CNTN1: variants seen among roughly 807,000 people sequenced by gnomAD.
CNTN1 encodes contactin-1.
Under a neutral mutation model 126.4 loss-of-function variants are expected in CNTN1, and 38 were observed. The observed-to-expected ratio is 0.30, with a 90% confidence interval of 0.23 to 0.39. CNTN1 has a LOEUF of 0.39. CNTN1 is among the 10% of genes least tolerant of loss of function. The pLI, the probability that CNTN1 is intolerant of heterozygous loss-of-function variation, is 1.00. For missense variants in CNTN1, 1,009 were observed against 1,248.4 expected, an observed-to-expected ratio of 0.81 and a Z score of 2.89; for synonymous variants, 413 against 422.6, an observed-to-expected ratio of 0.98 and a Z score of 0.28.
chr12:41,062,121 T>G (rs147904025), intron 23 of CNTN1, among the ~76,000 whole-genome samples: 34 of 152,308 alleles, frequency 2.2e-4, no homozygotes, highest in African/African-American at 7.9e-4. Flanking sequence ...GGTCTCTTCT[T>G]TAGAAACTCT....
At chr12:40,865,255 T>C (rs1252649865) in intron 1 of CNTN1, among the ~76,000 whole-genome samples, 1 of 152,152 alleles carries the variant, frequency 6.6e-6, no homozygotes, top group Non-Finnish European at 1.5e-5. Flanking sequence ...AAGTCACTTA[T>C]TAGATATATG....
chr12:40,862,206 A>AACACAC (rs557164441), intron 1 of CNTN1, among the ~76,000 whole-genome samples: 9,880 of 94,148 alleles, frequency 0.1, 408 homozygotes, highest in Admixed American at 0.13. Context: ...CTTGTCTCTT[A>AACACAC]ATACACACAC....
chr12:40,848,795 A>G (rs184321), intron 1 of CNTN1, among the ~76,000 whole-genome samples: 36,206 of 146,460 alleles, frequency 0.25, 4,864 homozygotes, highest in South Asian at 0.37. Flanking sequence ...GTTTTATATT[A>G]TAGTTCAGAC....
Position 40,980,852 on chromosome 12 carries a change from G to A in CNTN1, c.1805-57G>A, listed in dbSNP as rs948773719. The A allele has an allele frequency of 6.8e-6, 10 of 1,480,830 alleles. No individual in the cohort carries two copies. The African/African-American group carries it at 1.1e-4, about 16-fold the overall frequency. 91.7% of individuals were successfully genotyped at this position (1,480,830 alleles called of 1,614,324 possible). A position where few individuals can be genotyped will look rare whatever the true frequency, so the allele number is the denominator to read the frequency against. ...TTAGAAGACATTTTTATATTCTAATGTGTGTTTGACTCACTAGATGGAATT... is the reference window on the plus strand; with the variant it reads ...TTAGAAGACATTTTTATATTCTAATATGTGTTTGACTCACTAGATGGAATT... On this transcript the variant is annotated intron_variant, in intron 15 of 23. Coordinates refer to ENST00000551295, the MANE Select transcript of CNTN1 (RefSeq NM_001843.4).
At chr12:40,797,599 C>T (rs1592097967) in intron 1 of CNTN1, among the ~76,000 whole-genome samples, 1 of 152,052 alleles carries the variant, frequency 6.6e-6, no homozygotes, top group Non-Finnish European at 1.5e-5. Flanking sequence ...AAACATCAAA[C>T]ATTTTTAAGC....
chr12:40,780,696 A>AC (rs1235023306), intron 1 of CNTN1, among the ~76,000 whole-genome samples: 3 of 150,512 alleles, frequency 2.0e-5, no homozygotes, highest in East Asian at 3.9e-4. Context: ...GAAAAAAAAA[A>AC]AAAAAAACAC....
Position 41,029,113 on chromosome 12 carries a change from C to A in CNTN1, c.2874C>A (p.His958Gln). 1.2e-6 allele frequency: 2 copies of A among 1,614,058 alleles called. No individual in the cohort carries two copies. The highest frequency in any genetic ancestry group is 1.1e-5 in the South Asian group (1 of 91,080). ...ATGATGGCAAGCTGTATTCAACTCA[C>A]AAACACTCCATAGAAGTCCCAATCC... ...GQHDGKLYST[H>Q]KHSIEVPIPR... Residue 958 changes from histidine to glutamine, a missense_variant, in exon 23 of 24, where the codon CAC becomes CAA. His to Gln is a conservative substitution (Grantham distance 24). Coordinates refer to ENST00000551295, the MANE Select transcript of CNTN1 (RefSeq NM_001843.4).
intron 23 of CNTN1, among the ~76,000 whole-genome samples, chr12:41,066,461 A>G (rs957488314): frequency 4.6e-5 from 7 of 152,316 alleles, no homozygotes; most frequent in African/African-American, 1.7e-4. Context: ...TTAACATTAT[A>G]GGTTGAGTAC....
chr12:41,004,163 AATATCTTCTCG>A (rs1948435221), intron 17 of CNTN1, among the ~76,000 whole-genome samples: 2 of 152,124 alleles, frequency 1.3e-5, no homozygotes. Context: ...ATTAATTTTA[AATATCTTCTCG>A]ATTTCTGCTT....
At chr12:40,909,797 G>A (rs570666639) in intron 2 of CNTN1, among the ~76,000 whole-genome samples, 28 of 151,610 alleles carry the variant, frequency 1.8e-4, no homozygotes, top group Non-Finnish European at 3.8e-4. Context: ...TAAAGTCATT[G>A]TGAAGTCTTA....
chr12:40,960,063 C>T (rs1566041529), intron 15 of CNTN1, among the ~76,000 whole-genome samples: 1 of 152,016 alleles, frequency 6.6e-6, no homozygotes, highest in Non-Finnish European at 1.5e-5. Flanking sequence ...ATTCATCCTT[C>T]AAGTCTTAAA....
intron 14 of CNTN1, among the ~76,000 whole-genome samples, chr12:40,957,970 AAACGTTCACTCC>A (rs1158722981): frequency 1.2e-4 from 18 of 152,094 alleles, no homozygotes; most frequent in Non-Finnish European, 8.8e-5. Context: ...TGGTGAAGCA[AAACGTTCACTCC>A]ATGTACAGTC....
chr12:40,759,510 G>A (rs1457470096), intron 1 of CNTN1, among the ~76,000 whole-genome samples: 1 of 146,976 alleles, frequency 6.8e-6, no homozygotes, highest in Non-Finnish European at 1.5e-5. Flanking sequence ...CTGTCACCTA[G>A]GCTGGAATGC....
chr12:41,018,498 GTATTC>G (rs1321372256), intron 19 of CNTN1, among the ~76,000 whole-genome samples: 1 of 151,782 alleles, frequency 6.6e-6, no homozygotes, highest in Non-Finnish European at 1.5e-5. Flanking sequence ...AAACACCATT[GTATTC>G]TATATATGTA....
intron 1 of CNTN1, among the ~76,000 whole-genome samples, chr12:40,791,017 T>A (rs11178389): frequency 0.38 from 57,052 of 151,836 alleles, 10,759 homozygotes; most frequent in African/African-American, 0.41. Flanking sequence ...ATGCCTGGGG[T>A]TAGGAAAGAA....
In CNTN1 at chr12:41,010,142, A is replaced by G. The variant is rs79384020; in HGVS notation, c.2114-4086A>G. Among the ~76,000 whole-genome samples the G allele has an allele frequency of 7.8e-3, 1,181 of 152,076 alleles. 11 individuals are homozygous for G. Among genetic ancestry groups the G allele is most frequent in the African/African-American group, 0.027 (1,131 of 41,458 alleles). On this transcript the variant is annotated intron_variant, in intron 17 of 23. Transcript: ENST00000551295. ...AGAGAGACTGGCTCTAGTGTTCACA[A>G]GGAGATCTACCTTCCTTCAATTTCC... is the stretch of plus-strand genomic sequence containing the variant.
At chr12:40,987,832 C>T (rs1300153214) in intron 16 of CNTN1, among the ~76,000 whole-genome samples, 1 of 152,042 alleles carries the variant, frequency 6.6e-6, no homozygotes, top group African/African-American at 2.4e-5. Flanking sequence ...AGTTTTTATT[C>T]CCATCATCAG....
chr12:40,875,070 T>C (rs986948277), intron 1 of CNTN1, among the ~76,000 whole-genome samples: 4 of 152,154 alleles, frequency 2.6e-5, no homozygotes, highest in African/African-American at 9.6e-5. Flanking sequence ...CTCCATCTTG[T>C]CTGCACATTA....
In CNTN1 at chr12:40,780,507, C is replaced by T. The variant is rs1939750693; in HGVS notation, c.-77+87915C>T. 4.6e-5 allele frequency among the ~76,000 whole-genome samples: 7 copies of T among 151,694 alleles called. No individual in the cohort carries two copies. In the Middle Eastern group the frequency reaches 0.024, roughly 516 times the overall value. On this transcript the variant is annotated intron_variant, in intron 1 of 23. Transcript: ENST00000551295. ...TTCAATTGATTCCCATGCTACCTAT[C>T]AAAATAAAATAAAATTTGAAAGTCT...
Sources: allele counts gnomAD v4.1 joint callset (sites outside exome capture counted in the v4.1 genomes callset), GRCh38; gene constraint gnomAD v4.1.1; transcripts MANE v1.5; gene names NCBI Gene and HGNC (gene_info 2026-07-23, HGNC 2026-07-21).